The following NOP14 variants were observed in gnomAD, a reference collection of about 807,000 sequenced individuals.
NOP14 encodes the protein NOP14 nucleolar protein.
In NOP14, 57 loss-of-function variants were observed where a neutral mutation model predicts 101.6. The observed-to-expected ratio is 0.56, with a 90% CI of 0.45 to 0.70. NOP14 has a LOEUF of 0.70. Among genes scored for constraint, NOP14 ranks in the 30% least tolerant of loss-of-function variants. The pLI is 0.00. For synonymous variants in NOP14, 428 were observed against 424.0 expected, an observed-to-expected ratio of 1.01 and a Z score of -0.12; for missense variants, 1,134 against 1,075.5, an observed-to-expected ratio of 1.05 and a Z score of -0.76.
intron 1 of NOP14, among the ~76,000 whole-genome samples, chr4:2,959,617 C>T (rs56214407): frequency 0.21 from 32,012 of 151,748 alleles, 4,390 homozygotes; most frequent in Non-Finnish European, 0.29. Flanking sequence ...ACAAAAAACA[C>T]AAACAAACCA....
At chr4:2,954,347 G>A in intron 4 of NOP14, 77 bp downstream of exon 4, 1 of 1,528,314 alleles carries the variant, frequency 6.5e-7, no homozygotes, top group South Asian at 1.2e-5. Flanking sequence ...AAAAGGTACA[G>A]GAAAAAAAAG....
chr4:2,951,975 C>T (rs1182298045), intron 6 of NOP14, among the ~76,000 whole-genome samples: 14 of 151,976 alleles, frequency 9.2e-5, no homozygotes, highest in Admixed American at 8.5e-4. Flanking sequence ...GGCGTGGTGG[C>T]AGGCGCCTGT....
At position 2,963,374 on chromosome 4, in the gene NOP14, G is replaced by A. The variant is rs1365706606; in HGVS notation, c.-55C>T. 19 of 1,484,242 alleles carry A rather than the reference G, an allele frequency of 1.3e-5. No individual in the cohort carries two copies. Among genetic ancestry groups the A allele is most frequent in the East Asian group, 5.4e-5 (2 of 37,312 alleles). 91.9% of individuals were successfully genotyped at this position (1,484,242 alleles called of 1,614,324 possible). ...GAGACCCGAAGAGAGACAGGCGCGC[G>A]CTACCCTAAGACACGTGCCGGGCCG... is the stretch of plus-strand genomic sequence containing the variant. On this transcript the variant is annotated 5_prime_UTR_variant, in exon 1 of 18. Transcript: ENST00000416614.
At chr4:2,941,944 A>G in intron 14 of NOP14, 1 of 645,856 alleles carries the variant, frequency 1.5e-6, no homozygotes, top group Non-Finnish European at 2.6e-6. Context: ...CCGCAGCGCC[A>G]GCTGGGATGG....
In NOP14 at chr4:2,938,923, C is replaced by T. The variant is rs769836709; in HGVS notation, c.2482G>A (p.Glu828Lys). Residue 828 changes from glutamate (E) to lysine (K), a missense_variant, in exon 18 of 18, where the codon GAA becomes AAA. By Grantham distance (56) the Glu-to-Lys change is moderately conservative (BLOSUM62 1). Coordinates refer to ENST00000416614, the MANE Select transcript of NOP14 (RefSeq NM_001291978.2). ...AGCTGCTTTACTTTCCGCTTTCTTT[C>T]CGCATCCCTAAAAGAAACAAAAGGC... ...QLSEIMERDA[E>K]RKRKVKQLFN... The T allele has an allele frequency of 6.2e-7, 1 of 1,614,012 alleles. No individual in the cohort carries two copies. The highest frequency in any genetic ancestry group is 1.1e-5 in the South Asian group (1 of 91,076).
In NOP14 at chr4:2,938,215, A is replaced by G; in HGVS notation, c.*616T>C. The stretch of plus-strand genomic sequence containing the variant: ...TGGAGGTTGGAATCACACCAACATT[A>G]TAGCATTATTACTCTAAAAAAAATT... On this transcript the variant is annotated 3_prime_UTR_variant, in exon 18 of 18. Transcript: ENST00000416614. The G allele has an allele frequency of 1.8e-5, 23 of 1,289,202 alleles. No individual in the cohort carries two copies. The highest frequency in any genetic ancestry group is 2.3e-5 in the Non-Finnish European group (23 of 988,662). 79.9% of individuals were successfully genotyped at this position (1,289,202 alleles called of 1,614,324 possible). A position where few individuals can be genotyped will look rare whatever the true frequency, so the allele number is the denominator to read the frequency against.
intron 9 of NOP14, among the ~76,000 whole-genome samples, chr4:2,948,031 G>A (rs537771384): frequency 6.6e-6 from 1 of 152,364 alleles, no homozygotes; most frequent in African/African-American, 2.4e-5. Flanking sequence ...TGAGATGAAG[G>A]TGAAGGTCCC....
intron 13 of NOP14, among the ~76,000 whole-genome samples, 200 bp from the exon 14 acceptor site, chr4:2,942,551 G>A (rs974201106): frequency 6.6e-6 from 1 of 152,172 alleles, no homozygotes; most frequent in Admixed American, 6.5e-5. Context: ...CAGGGGGCGC[G>A]GTGAGAGCCA....
intron 7 of NOP14, 79 bp downstream of exon 7, chr4:2,951,035 A>G: frequency 7.5e-7 from 1 of 1,325,480 alleles, no homozygotes; most frequent in East Asian, 2.3e-5. Context: ...ACTGTAATAA[A>G]TCCCTAAAAT....
chr4:2,952,676 T>C (rs1297934654), intron 5 of NOP14, among the ~76,000 whole-genome samples: 1 of 152,206 alleles, frequency 6.6e-6, no homozygotes, highest in Non-Finnish European at 1.5e-5. Context: ...GTGCAGTGGC[T>C]CACGCCTGTA....
chr4:2,942,127 G>A (rs1297034227), intron 14 of NOP14, 65 bp downstream of exon 14: 1 of 1,517,278 alleles, frequency 6.6e-7, no homozygotes, highest in South Asian at 1.2e-5. Flanking sequence ...GAAAGCACGA[G>A]TGGCTTCTCC....
chr4:2,938,762 C>T lies in NOP14; in HGVS notation c.*69G>A. 7.6e-7 allele frequency: 1 copy of T among 1,314,834 alleles called. No individual in the cohort carries two copies. The highest frequency in any genetic ancestry group is 1.1e-6 in the Non-Finnish European group (1 of 922,666). The allele number at this position is 1,314,834 out of a possible 1,614,324, so 81.4% of individuals were successfully genotyped here. On this transcript the variant is annotated 3_prime_UTR_variant, in exon 18 of 18. Transcript: ENST00000416614. ...GGCTGAAGCAATCTTCCTGCCTTGGCCTCCCAGAGGGTTGGAATTGCAGAT... is the reference window on the plus strand; with the variant it reads ...GGCTGAAGCAATCTTCCTGCCTTGGTCTCCCAGAGGGTTGGAATTGCAGAT...
chr4:2,939,037 GT>G lies in NOP14; in HGVS notation c.2475-108del. On this transcript the variant is annotated intron_variant, in intron 17 of 17. Coordinates refer to ENST00000416614, the MANE Select transcript of NOP14 (RefSeq NM_001291978.2). The stretch of plus-strand genomic sequence containing the variant: ...ACATTAGCCACCGTGGCCACGTTCA[GT>G]TCAAACAGGGGGAAGTGAACCTGCC... 6.1e-6 allele frequency: 9 copies of G among 1,474,860 alleles called. No homozygotes were observed. The South Asian group carries it at 9.2e-5, about 15-fold the overall frequency. The allele number at this position is 1,474,860 out of a possible 1,614,324, so 91.4% of individuals were successfully genotyped here. A position where few individuals can be genotyped will look rare whatever the true frequency, so the allele number is the denominator to read the frequency against.
chr4:2,939,720 G>A, intron 15 of NOP14, 75 bp from the exon 16 acceptor site: 2 of 1,137,068 alleles, frequency 1.8e-6, no homozygotes, highest in East Asian at 4.7e-5. Context: ...CGGGTTCTGT[G>A]GTGTCAAGGC....
Position 2,938,810 on chromosome 4 carries a change from G to A in NOP14, c.*21C>T. On this transcript the variant is annotated 3_prime_UTR_variant, in exon 18 of 18. Transcript: ENST00000416614. ...GATGTGAGGTAATGTCCAGTTCCTT[G>A]CCTTATTTATAAAATGTAATTTATT... The A allele has an allele frequency of 8.8e-6, 14 of 1,589,144 alleles. No homozygotes were observed. The highest frequency in any genetic ancestry group is 1.2e-5 in the Non-Finnish European group (14 of 1,158,046).
Position 2,952,307 on chromosome 4 carries a change from T to C in NOP14, c.838A>G (p.Lys280Glu). 2 of 1,613,842 alleles carry C rather than the reference T, an allele frequency of 1.2e-6. No individual in the cohort carries two copies. The highest frequency in any genetic ancestry group is 1.7e-6 in the Non-Finnish European group (2 of 1,179,818). Reference protein sequence around the residue: ...NRMKTEAELAKEEQEHLRKLE... With the variant: ...NRMKTEAELAEEEQEHLRKLE... ...TTCCTGAGGTGCTCCTGCTCTTCCT[T>C]TGCCAATTCTGCCTCCGTCTTCATC... The change falls in exon 6 of 18, where the codon AAG becomes GAG. Residue 280 changes from lysine (K) to glutamate (E), a missense_variant. Lys to Glu is a moderately conservative substitution (Grantham distance 56). Transcript: ENST00000416614.
At position 2,947,121 on chromosome 4, in the gene NOP14, G is replaced by A. The variant is rs375439571; in HGVS notation, c.1499+405C>T. ...CTGGCGGTCCCCATGCAGACAAGAG[G>A]TACACACTCCCTGGCATGCAAAGCC... On this transcript the variant is annotated intron_variant, in intron 10 of 17. Coordinates refer to ENST00000416614, the MANE Select transcript of NOP14 (RefSeq NM_001291978.2). 87 of 263,996 alleles carry A rather than the reference G, an allele frequency of 3.3e-4. 1 individual carries two copies. The highest frequency in any genetic ancestry group is 1.8e-3 in the African/African-American group (81 of 43,932). The allele number at this position is 263,996 out of a possible 1,614,324, so 16.4% of individuals were successfully genotyped here. A position where few individuals can be genotyped will look rare whatever the true frequency, so the allele number is the denominator to read the frequency against.
In NOP14 at chr4:2,938,667, G is replaced by GCCCA. The variant is rs1484203588; in HGVS notation, c.*163_*164insTGGG. 2.6e-5 allele frequency: 16 copies of GCCCA among 607,340 alleles called. No homozygotes were observed. The highest frequency in any genetic ancestry group is 1.0e-4 in the South Asian group (5 of 48,696). The allele number at this position is 607,340 out of a possible 1,614,324, so 37.6% of individuals were successfully genotyped here. A position where few individuals can be genotyped will look rare whatever the true frequency, so the allele number is the denominator to read the frequency against. The stretch of plus-strand genomic sequence containing the variant: ...ACTACAGGTGCGTGCCACCACACTT[G>GCCCA]GCTAATTTTTATGTTTTTTTGGTAG... On this transcript the variant is annotated 3_prime_UTR_variant, in exon 18 of 18. Coordinates refer to ENST00000416614, the MANE Select transcript of NOP14 (RefSeq NM_001291978.2).
chr4:2,960,818 CACATTATCAATATA>C (rs1715739502), intron 1 of NOP14, among the ~76,000 whole-genome samples: 1 of 91,510 alleles, frequency 1.1e-5, no homozygotes, highest in Non-Finnish European at 2.1e-5. Flanking sequence ...ATATTATAAT[CACATTATCAATATA>C]TTAATATTAT....
Sources: gnomAD v4.1 joint callset for allele counts (sites outside exome capture counted in the v4.1 genomes callset) on GRCh38, gnomAD v4.1.1 for gene constraint, MANE v1.5 for transcripts, NCBI Gene and HGNC (gene_info 2026-07-23, HGNC 2026-07-21) for gene names.